The following HYCC1 variants were observed in gnomAD, a reference collection of about 807,000 sequenced individuals.
The protein encoded by HYCC1 is hyccin PI4KA lipid kinase complex subunit 1, also known as hyccin.
the HYCC1 span, chr7:22,934,880 A>G: frequency 2.0e-5 from 3 of 152,388 alleles, no homozygotes; most frequent in Admixed American, 6.5e-5. Flanking sequence ...AGCACAAATC[A>G]TAATTCCAGA....
At chr7:22,999,615 G>A in the HYCC1 span, among the ~76,000 whole-genome samples, 1 of 152,172 alleles carries the variant, frequency 6.6e-6, no homozygotes, top group African/African-American at 2.4e-5. Context: ...CAGAGTCAGA[G>A]TAAGAGCAAA....
the HYCC1 span, among the ~76,000 whole-genome samples, chr7:22,922,279 G>C: frequency 5.9e-5 from 9 of 152,200 alleles, no homozygotes; most frequent in Admixed American, 1.3e-4. Flanking sequence ...GCGATTGTCA[G>C]ATTGGATAAA....
the HYCC1 span, among the ~76,000 whole-genome samples, chr7:22,958,767 C>T: frequency 2.0e-5 from 3 of 152,072 alleles, no homozygotes; most frequent in African/African-American, 7.2e-5. Flanking sequence ...TGCACAAATA[C>T]AAGGGAGCAT....
the HYCC1 span, among the ~76,000 whole-genome samples, chr7:22,932,892 G>C: frequency 6.6e-6 from 1 of 152,054 alleles, no homozygotes; most frequent in Admixed American, 6.6e-5. Flanking sequence ...AGTCATAATG[G>C]GTTAGAGTGA....
chr7:22,909,814 C>T, the HYCC1 span, among the ~76,000 whole-genome samples: 1 of 152,118 alleles, frequency 6.6e-6, no homozygotes, highest in Non-Finnish European at 1.5e-5. Context: ...TTTGTGAGTC[C>T]TCACCAGATC....
At chr7:22,930,270 C>A in the HYCC1 span, among the ~76,000 whole-genome samples, 3 of 147,042 alleles carry the variant, frequency 2.0e-5, no homozygotes. Flanking sequence ...TGCAGCACAC[C>A]AACATGGCAC....
the HYCC1 span, among the ~76,000 whole-genome samples, chr7:22,917,119 C>A: frequency 6.6e-6 from 1 of 152,178 alleles, no homozygotes; most frequent in African/African-American, 2.4e-5. Flanking sequence ...GCTAAAAAAG[C>A]AGCTAGCATT....
the HYCC1 span, among the ~76,000 whole-genome samples, chr7:22,986,893 T>C: frequency 2.3e-4 from 35 of 152,268 alleles, no homozygotes; most frequent in East Asian, 2.3e-3. Context: ...AGATGCCTCA[T>C]ACTAAAGTAT....
the HYCC1 span, among the ~76,000 whole-genome samples, chr7:22,993,186 G>A: frequency 6.6e-6 from 1 of 152,118 alleles, no homozygotes; most frequent in Non-Finnish European, 1.5e-5. Context: ...TAGCTACATG[G>A]GGAGGACAAA....
chr7:22,939,770 T>TA, the HYCC1 span: 2 of 152,262 alleles, frequency 1.3e-5, no homozygotes, highest in South Asian at 4.1e-4. Flanking sequence ...TAGGTGACCT[T>TA]AGCCAAGTCC....
the HYCC1 span, among the ~76,000 whole-genome samples, chr7:22,902,607 C>G: frequency 0.97 from 148,135 of 152,122 alleles, 72,147 homozygotes; most frequent in East Asian, 1. Flanking sequence ...ACTGGATAGA[C>G]AGTCCAGAAA....
chr7:22,906,577 C>G, the HYCC1 span, among the ~76,000 whole-genome samples: 1 of 119,110 alleles, frequency 8.4e-6, no homozygotes, highest in Non-Finnish European at 1.8e-5. Context: ...GACTCGGTCT[C>G]AAAAAAAAAA....
the HYCC1 span, among the ~76,000 whole-genome samples, chr7:22,972,764 T>A: frequency 6.6e-6 from 1 of 152,210 alleles, no homozygotes; most frequent in Non-Finnish European, 1.5e-5. Context: ...TCACACATAC[T>A]ATGTAGGAAG....
chr7:22,909,202 C>CA, the HYCC1 span, among the ~76,000 whole-genome samples: 1 of 152,118 alleles, frequency 6.6e-6, no homozygotes, highest in Admixed American at 6.6e-5. Context: ...GTGGATCCCT[C>CA]ATGGCTTGGT....
chr7:23,012,258 T>C, the HYCC1 span, among the ~76,000 whole-genome samples: 1 of 152,154 alleles, frequency 6.6e-6, no homozygotes, highest in African/African-American at 2.4e-5. Flanking sequence ...AGTACATATA[T>C]TTAAACTCAC....
the HYCC1 span, among the ~76,000 whole-genome samples, chr7:22,994,442 GTCTGTT>G: frequency 1.3e-5 from 2 of 152,152 alleles, no homozygotes; most frequent in Non-Finnish European, 2.9e-5. Flanking sequence ...TCTGATAACA[GTCTGTT>G]TCTTGATCTA....
At chr7:22,966,291 T>TTTTTTG in the HYCC1 span, among the ~76,000 whole-genome samples, 2 of 150,414 alleles carry the variant, frequency 1.3e-5, no homozygotes, top group African/African-American at 2.4e-5. Context: ...TGTTTGTTTG[T>TTTTTTG]TTTTTGTTTT....
the HYCC1 span, among the ~76,000 whole-genome samples, chr7:22,923,439 T>C: frequency 6.6e-6 from 1 of 152,194 alleles, no homozygotes; most frequent in East Asian, 1.9e-4. Context: ...TGTAACTTCC[T>C]ATATTAAAAA....
chr7:22,904,266 C>T, the HYCC1 span, among the ~76,000 whole-genome samples: 6 of 151,732 alleles, frequency 4.0e-5, no homozygotes, highest in African/African-American at 1.5e-4. Context: ...CCCATCTCTA[C>T]TAAAAGTACA....
Sources: gnomAD v4.1 joint callset for allele counts (sites outside exome capture counted in the v4.1 genomes callset) on GRCh38, gnomAD v4.1.1 for gene constraint, MANE v1.5 for transcripts, NCBI Gene and HGNC (gene_info 2026-07-23, HGNC 2026-07-21) for gene names.